ABCC11: variants seen among roughly 807,000 people sequenced by gnomAD.
ABCC11 encodes ATP-binding cassette sub-family C member 11.
A neutral mutation model predicts 149.3 loss-of-function variants in ABCC11; 135 were observed. That is an observed-to-expected ratio of 0.90 (90% CI 0.79 to 1.04). The LOEUF is 1.04. ABCC11 is among the 50% of genes least tolerant of loss of function. ABCC11 has a pLI of 0.00. For missense variants in ABCC11, 1,680 were observed against 1,722.1 expected, an observed-to-expected ratio of 0.98 and a Z score of 0.43; for synonymous variants, 665 against 671.4, an observed-to-expected ratio of 0.99 and a Z score of 0.15.
intron 7 of ABCC11, 94 bp from the exon 8 acceptor site, chr16:48,215,438 G>T: frequency 1.4e-6 from 2 of 1,399,240 alleles, no homozygotes; most frequent in Non-Finnish European, 2.0e-6. Flanking sequence ...AGGGCAACTG[G>T]GTGTATTTCC....
At chr16:48,191,939 C>G in intron 20 of ABCC11, among the ~76,000 whole-genome samples, 1 of 152,032 alleles carries the variant, frequency 6.6e-6, no homozygotes, top group Admixed American at 6.6e-5. Flanking sequence ...TGTAACTAAC[C>G]TGCATGTGCA....
At chr16:48,244,613 G>T (rs1465634632) in intron 1 of ABCC11, 1 of 1,467,220 alleles carries the variant, frequency 6.8e-7, no homozygotes, top group Non-Finnish European at 9.0e-7. Flanking sequence ...ACCTGCCGCC[G>T]CTGCACAGGT....
At chr16:48,196,418 T>C in intron 17 of ABCC11, 97 bp from the exon 18 acceptor site, 1 of 1,221,960 alleles carries the variant, frequency 8.2e-7, no homozygotes, top group Non-Finnish European at 1.2e-6. Flanking sequence ...AGCTTTTCAC[T>C]TTCCAGCTTC....
At chr16:48,179,933 G>A (rs543459685) in intron 23 of ABCC11, among the ~76,000 whole-genome samples, 28 of 152,336 alleles carry the variant, frequency 1.8e-4, no homozygotes, top group Admixed American at 4.6e-4. Context: ...AAAGGGTGTA[G>A]GAAGGAGGGG....
At chr16:48,197,664 T>C (rs1029633283) in intron 17 of ABCC11, among the ~76,000 whole-genome samples, 11 of 152,326 alleles carry the variant, frequency 7.2e-5, no homozygotes, top group Middle Eastern at 3.4e-3. Context: ...AATGAATGTC[T>C]AGATGCCTGG....
rs2150809706 is a variant in ABCC11 at position 48,198,159 on chromosome 16, C to A, written c.2199G>T (p.Met733Ile). 6.2e-6 allele frequency: 10 copies of A among 1,614,198 alleles called. No homozygotes were observed. The highest frequency in any genetic ancestry group is 8.5e-6 in the Non-Finnish European group (10 of 1,180,040). Residue 733 changes from methionine to isoleucine, a missense_variant, in exon 16 of 30, where the codon ATG becomes ATT. Physicochemically the swap from Met to Ile is conservative, Grantham distance 10. Transcript: ENST00000356608. ...GACTCACCGAAGTGGCTTCCTTGTG[C>A]ATCTTCTGGATAAGTTGGGCATATT... ...KGKYAQLIQK[M>I]HKEATSDMLQ...
intron 20 of ABCC11, among the ~76,000 whole-genome samples, chr16:48,191,120 A>G (rs1357963097): frequency 2.0e-5 from 3 of 152,254 alleles, no homozygotes; most frequent in Non-Finnish European, 4.4e-5. Context: ...CATAGAATGC[A>G]CAGCACAAAG....
intron 6 of ABCC11, among the ~76,000 whole-genome samples, chr16:48,219,529 G>A (rs1969589196): frequency 1.3e-5 from 2 of 152,070 alleles, no homozygotes; most frequent in African/African-American, 4.8e-5. Context: ...GCTAATCTCT[G>A]GGCACAGGGG....
intron 7 of ABCC11, among the ~76,000 whole-genome samples, chr16:48,215,754 T>A (rs1438915224): frequency 1.3e-5 from 2 of 152,206 alleles, no homozygotes; most frequent in African/African-American, 4.8e-5. Flanking sequence ...CTTTCCCCAT[T>A]ATACTGTGCT....
intron 19 of ABCC11, 111 bp from the exon 20 acceptor site, chr16:48,192,828 C>A: frequency 8.8e-7 from 1 of 1,138,190 alleles, no homozygotes; most frequent in Non-Finnish European, 1.3e-6. Context: ...GAAGGTGAAG[C>A]TGTTTGCCCA....
At chr16:48,230,349 C>A in intron 3 of ABCC11, 88 bp downstream of exon 3, 1 of 1,441,772 alleles carries the variant, frequency 6.9e-7, no homozygotes, top group African/African-American at 1.4e-5. Context: ...TGTAGTTATG[C>A]AACCTTCGTG....
rs77296669 is a variant in ABCC11 at position 48,209,077 on chromosome 16, T to C, written c.1609-581A>G. ...ATATGAGTAAAATGAAGTTGACTCT[T>C]ATGACAGACAGAAAGTTGGGGGTTG... On this transcript the variant is annotated intron_variant, in intron 11 of 29. Transcript: ENST00000356608. 4.4e-3 allele frequency among the ~76,000 whole-genome samples: 672 copies of C among 152,264 alleles called. 7 individuals carry two copies. The highest frequency in any genetic ancestry group is 0.015 in the African/African-American group (643 of 41,556).
intron 20 of ABCC11, among the ~76,000 whole-genome samples, chr16:48,191,202 A>G (rs1423807654): frequency 6.6e-6 from 1 of 152,222 alleles, no homozygotes; most frequent in African/African-American, 2.4e-5. Flanking sequence ...TTGACTCATC[A>G]ATTGTAACAA....
In ABCC11 at chr16:48,200,455, A is replaced by C. The variant is rs780879969; in HGVS notation, c.1903T>G (p.Ser635Ala). 6.2e-7 allele frequency: 1 copy of C among 1,614,190 alleles called. No individual in the cohort carries two copies. Among genetic ancestry groups the C allele is most frequent in the South Asian group, 1.1e-5 (1 of 91,080 alleles). ...CTGATCCTCTGTTTCTGCCCCCCAG[A>C]GAGGTTGAGGCCCCGCTCTCCAATC... Reference protein sequence around the residue: ...TEIGERGLNLSGGQKQRISLA... With the variant: ...TEIGERGLNLAGGQKQRISLA... The change falls in exon 15 of 30, where the codon TCT (serine) becomes GCT (alanine). Residue 635 changes from serine (S) to alanine (A), a missense_variant. Ser to Ala is a moderately conservative substitution (Grantham distance 99, BLOSUM62 1). Coordinates refer to ENST00000356608, the MANE Select transcript of ABCC11 (RefSeq NM_001370497.1).
intron 1 of ABCC11, among the ~76,000 whole-genome samples, chr16:48,234,441 T>C (rs1970587296): frequency 6.6e-6 from 1 of 152,214 alleles, no homozygotes; most frequent in African/African-American, 2.4e-5. Context: ...GACCGATGAT[T>C]GTCATGAGGC....
chr16:48,168,001 C>CAGGCACACACCCCAGG (rs1338188862), intron 28 of ABCC11, among the ~76,000 whole-genome samples: 3 of 152,220 alleles, frequency 2.0e-5, no homozygotes, highest in African/African-American at 7.2e-5. Flanking sequence ...CAAGAAGGGG[C>CAGGCACACACCCCAGG]AGGCACACAC....
At position 48,176,957 on chromosome 16, in the gene ABCC11, C is replaced by A. The variant is rs771748765; in HGVS notation, c.3505G>T (p.Glu1169Ter). ...GTCCTTCCCACGATGCCCACCACTT[C>A]GTGGCCGCGGATGGTCAGGTTGATG... ...HGINLTIRGHEVVGIVGRTGS... is the reference protein window; with the variant it reads ...HGINLTIRGH Residue 1169 changes from glutamate to a stop codon, truncating the protein, a stop_gained, in exon 25 of 30, where the codon GAA becomes TAA. Transcript: ENST00000356608. LOFTEE classifies it high-confidence loss of function. 3.7e-6 allele frequency: 6 copies of A among 1,614,082 alleles called. No homozygotes were observed. Among genetic ancestry groups the A allele is most frequent in the Non-Finnish European group, 4.2e-6 (5 of 1,180,014 alleles).
chr16:48,214,764 C>A (rs1969200688), intron 9 of ABCC11, 117 bp downstream of exon 9: 1 of 1,352,260 alleles, frequency 7.4e-7, no homozygotes, highest in Non-Finnish European at 1.0e-6. Context: ...AAATCAAAAT[C>A]AACATATAAT....
intron 5 of ABCC11, among the ~76,000 whole-genome samples, chr16:48,223,098 G>C (rs536882502): frequency 2.0e-4 from 30 of 152,236 alleles, no homozygotes; most frequent in Admixed American, 2.0e-3. Flanking sequence ...TGATTTAGGC[G>C]TTAACAAAGT....
Sources: gnomAD v4.1 joint callset for allele counts (sites outside exome capture counted in the v4.1 genomes callset) on GRCh38, gnomAD v4.1.1 for gene constraint, MANE v1.5 for transcripts, NCBI Gene and HGNC (gene_info 2026-07-23, HGNC 2026-07-21) for gene names.